ASCC2: variants seen among roughly 807,000 people sequenced by gnomAD.
The protein encoded by ASCC2 is activating signal cointegrator 1 complex subunit 2.
A neutral mutation model predicts 93.5 loss-of-function variants in ASCC2; 42 were observed. That is an observed-to-expected ratio of 0.45 (90% confidence interval 0.35 to 0.58). The LOEUF is 0.58. ASCC2 is among the 20% of genes least tolerant of loss of function. The pLI is 0.00. For missense variants in ASCC2, 859 were observed against 977.6 expected (o/e 0.88, Z 1.62); for synonymous variants, 364 against 384.2 (o/e 0.95, Z 0.62).
In ASCC2 at chr22:29,788,690, G is replaced by C. The variant is rs2068450229; in HGVS notation, c.*323C>G. ...GGTTTCCTGCTGTCCAGGGTAAAGG[G>C]GAAGTGGTGTCTTGTGGCCCGAGGT... On this transcript the variant is annotated 3_prime_UTR_variant, in exon 20 of 20. Coordinates refer to ENST00000307790, the MANE Select transcript of ASCC2 (RefSeq NM_032204.5). The C allele has an allele frequency of 2.5e-6, 1 of 393,674 alleles. No individual in the cohort carries two copies. Among genetic ancestry groups the C allele is most frequent in the Non-Finnish European group, 4.7e-6 (1 of 212,942 alleles). The allele number at this position is 393,674 out of a possible 1,614,324, so 24.4% of individuals were successfully genotyped here. A position where few individuals can be genotyped will look rare whatever the true frequency, so the allele number is the denominator to read the frequency against.
intron 12 of ASCC2, among the ~76,000 whole-genome samples, chr22:29,805,164 A>G (rs1000986002): frequency 6.6e-6 from 1 of 152,190 alleles, no homozygotes; most frequent in Non-Finnish European, 1.5e-5. Context: ...TGGTAGGGCC[A>G]CTGCCACTGG....
chr22:29,833,588 A>C (rs1204431910), intron 1 of ASCC2: 4 of 471,026 alleles, frequency 8.5e-6, no homozygotes, highest in Non-Finnish European at 1.3e-5. Flanking sequence ...CTTGCTGTCC[A>C]GTGTTCTTTT....
intron 2 of ASCC2, among the ~76,000 whole-genome samples, chr22:29,830,211 T>A (rs879865546): frequency 6.6e-6 from 1 of 152,238 alleles, no homozygotes. Flanking sequence ...TTCACAGGCA[T>A]CTCATTTAAT....
At chr22:29,837,315 C>T (rs1426568563) in intron 1 of ASCC2, among the ~76,000 whole-genome samples, 4 of 151,928 alleles carry the variant, frequency 2.6e-5, no homozygotes, top group African/African-American at 9.7e-5. Flanking sequence ...TGCCTGTAAT[C>T]CTAGCTACTC....
chr22:29,828,287 TG>T (rs1314912389), intron 2 of ASCC2, among the ~76,000 whole-genome samples: 1 of 152,160 alleles, frequency 6.6e-6, no homozygotes, highest in Non-Finnish European at 1.5e-5. Context: ...TGGTGAATGC[TG>T]GAATGGTGCA....
intron 9 of ASCC2, among the ~76,000 whole-genome samples, chr22:29,807,851 G>A (rs1443700157): frequency 6.6e-6 from 1 of 151,968 alleles, no homozygotes; most frequent in African/African-American, 2.4e-5. Context: ...CAAGGCTGCA[G>A]TGAGCTGTGA....
At chr22:29,813,654 A>G in intron 7 of ASCC2, 112 bp from the exon 8 acceptor site, 1 of 728,746 alleles carries the variant, frequency 1.4e-6, no homozygotes. Flanking sequence ...AGGATGTTAC[A>G]CAGGAGGAAA....
At chr22:29,802,510 A>T (rs1035165887) in intron 13 of ASCC2, among the ~76,000 whole-genome samples, 36 of 152,290 alleles carry the variant, frequency 2.4e-4, no homozygotes, top group African/African-American at 8.4e-4. Flanking sequence ...AAAAATAAAA[A>T]AAATTTAAGG....
At chr22:29,799,605 C>T (rs552455748) in intron 15 of ASCC2, among the ~76,000 whole-genome samples, 2 of 152,334 alleles carry the variant, frequency 1.3e-5, no homozygotes, top group African/African-American at 4.8e-5. Context: ...TCCCCATTCA[C>T]GTGATGGTGA....
At chr22:29,806,116 G>C in intron 12 of ASCC2, 100 bp downstream of exon 12, 2 of 1,346,334 alleles carry the variant, frequency 1.5e-6, no homozygotes, top group Non-Finnish European at 2.1e-6. Context: ...ATGCGTTCTG[G>C]GGCTAAACCT....
At chr22:29,827,645 C>T (rs1948847630) in intron 2 of ASCC2, 1 of 469,046 alleles carries the variant, frequency 2.1e-6, no homozygotes, top group Admixed American at 2.4e-5. Context: ...TTCAAAACAA[C>T]TGTCAGGAGC....
intron 17 of ASCC2, 47 bp downstream of exon 17, chr22:29,793,313 C>T (rs545023765): frequency 1.2e-6 from 2 of 1,607,768 alleles, no homozygotes; most frequent in South Asian, 2.2e-5. Context: ...GCCCCATGGG[C>T]CTGAGAGCTG....
At chr22:29,800,914 G>A in intron 15 of ASCC2, 77 bp downstream of exon 15, 6 of 1,496,396 alleles carry the variant, frequency 4.0e-6, no homozygotes, top group Non-Finnish European at 5.4e-6. Flanking sequence ...CTGCGAAGAT[G>A]GAGCCCTTGG....
At position 29,825,809 on chromosome 22, in the gene ASCC2, T is replaced by A; in HGVS notation, c.82-29A>T. 6.3e-7 allele frequency: 1 copy of A among 1,585,138 alleles called. No individual in the cohort carries two copies. The highest frequency in any genetic ancestry group is 8.6e-7 in the Non-Finnish European group (1 of 1,162,552). ...CGGATCCAAAAACCACGTGTTAACG[T>A]GGCAGAGGTTAGTCAGCGAGGGCCC... On this transcript the variant is annotated intron_variant, in intron 2 of 19. Transcript: ENST00000307790. This position sits in a 1 kb window ranked among gnomAD's most constrained non-coding sequence, Gnocchi z 4.9.
chr22:29,810,709 A>ATG (rs979221347), intron 8 of ASCC2, among the ~76,000 whole-genome samples: 11 of 152,018 alleles, frequency 7.2e-5, no homozygotes, highest in Non-Finnish European at 1.5e-4. Context: ...GTACCAAATA[A>ATG]TGTGTGTGCA....
intron 2 of ASCC2, among the ~76,000 whole-genome samples, chr22:29,827,254 T>C (rs981269944): frequency 6.6e-6 from 1 of 152,046 alleles, no homozygotes; most frequent in Admixed American, 6.6e-5. Flanking sequence ...AAACCTTACT[T>C]TGTTCACCAT....
intron 5 of ASCC2, among the ~76,000 whole-genome samples, chr22:29,821,412 G>A (rs963474288): frequency 2.0e-5 from 3 of 152,186 alleles, no homozygotes; most frequent in Admixed American, 6.5e-5. Flanking sequence ...TCAGGTCTAC[G>A]TTTACACACG....
Position 29,817,267 on chromosome 22 carries a change from T to C in ASCC2, c.542-1194A>G, listed in dbSNP as rs1282983055. On this transcript the variant is annotated intron_variant, in intron 5 of 19. Coordinates refer to ENST00000307790, the MANE Select transcript of ASCC2 (RefSeq NM_032204.5). The stretch of plus-strand genomic sequence containing the variant: ...ATCTGCACCCACTTCCTACTCCTGA[T>C]AGGCAAGGAAAGACAGAGCTATCTC... Among the ~76,000 whole-genome samples, 6 of 152,162 alleles carry C rather than the reference T, an allele frequency of 3.9e-5. No homozygotes were observed. In the East Asian group the frequency reaches 9.7e-4, roughly 25 times the overall value.
rs1003521593 is a variant in ASCC2 at position 29,825,611 on chromosome 22, T to C, written c.240+11A>G. 3 of 1,614,058 alleles carry C rather than the reference T, an allele frequency of 1.9e-6. No individual in the cohort carries two copies. The highest frequency in any genetic ancestry group is 1.3e-5 in the African/African-American group (1 of 74,920). ...TGCTTTGTCTTAGCGTTAATTTTGA[T>C]AGAATGTTACCTGGCACCAGAATTT... On this transcript the variant is annotated intron_variant, in intron 3 of 19. Transcript: ENST00000307790. The surrounding 1 kb of genome is among the most constrained non-coding windows in gnomAD (Gnocchi z 4.9).
Sources: gnomAD v4.1 joint callset for allele counts (sites outside exome capture counted in the v4.1 genomes callset) on GRCh38, gnomAD v4.1.1 for gene constraint, Gnocchi (gnomAD v3.1) non-coding constraint, MANE v1.5 for transcripts, NCBI Gene and HGNC (gene_info 2026-07-23, HGNC 2026-07-21) for gene names.